The following DGKD variants were observed in gnomAD, a reference collection of about 807,000 sequenced individuals.
DGKD encodes DAG kinase delta.
Under a neutral mutation model 154.4 loss-of-function variants are expected in DGKD, and 68 were observed. That is an observed-to-expected ratio of 0.44 (90% CI 0.36 to 0.54). DGKD has a LOEUF of 0.54. Among genes scored for constraint, DGKD ranks in the 20% least tolerant of loss-of-function variants. The probability of loss-of-function intolerance (pLI) is 0.00; values close to 1 mark genes in which losing one functional copy is unlikely to be tolerated. For missense variants in DGKD, 1,343 were observed against 1,593.6 expected, an observed-to-expected ratio of 0.84 and a Z score of 2.68; for synonymous variants, 693 against 638.0, an observed-to-expected ratio of 1.09 and a Z score of -1.30.
intron 1 of DGKD, among the ~76,000 whole-genome samples, chr2:233,384,378 C>T (rs903430414): frequency 6.6e-6 from 1 of 152,078 alleles, no homozygotes; most frequent in Admixed American, 6.5e-5. Context: ...TATTGGTGTC[C>T]CTGGGTTCCC....
At chr2:233,436,949 C>T (rs1254951409) in intron 7 of DGKD, among the ~76,000 whole-genome samples, 2 of 152,200 alleles carry the variant, frequency 1.3e-5, no homozygotes, top group African/African-American at 4.8e-5. Flanking sequence ...GTACTTGCTT[C>T]TGGGTTGGTC....
Position 233,436,526 on chromosome 2 carries a change from G to A in DGKD, c.819+85G>A, listed in dbSNP as rs2062702324. On this transcript the variant is annotated intron_variant, in intron 7 of 29. Coordinates refer to ENST00000264057, the MANE Select transcript of DGKD (RefSeq NM_152879.3). ...CGGGCCTTGCGGCTCCGCATGATCT[G>A]CTGGATCCTGGTAAATTAATCCCAG... 8.6e-6 allele frequency: 13 copies of A among 1,504,874 alleles called. No individual in the cohort carries two copies. In the South Asian group the frequency reaches 1.7e-4, roughly 19 times the overall value. The allele number at this position is 1,504,874 out of a possible 1,614,324, so 93.2% of individuals were successfully genotyped here. A position where few individuals can be genotyped will look rare whatever the true frequency, so the allele number is the denominator to read the frequency against.
At chr2:233,467,886 G>A (rs2063875136) in intron 28 of DGKD, among the ~76,000 whole-genome samples, 1 of 152,126 alleles carries the variant, frequency 6.6e-6, no homozygotes, top group African/African-American at 2.4e-5. Context: ...TGGTGGCTCT[G>A]ACTATGTGAA....
chr2:233,461,604 C>T (rs1366616848), intron 24 of DGKD, among the ~76,000 whole-genome samples: 4 of 152,258 alleles, frequency 2.6e-5, no homozygotes, highest in East Asian at 1.9e-4. Flanking sequence ...AATTCCTTGC[C>T]GTGCAGTGGG....
Position 233,436,439 on chromosome 2 carries a change from A to G in DGKD, c.817A>G (p.Met273Val), listed in dbSNP as rs1575116057. 2 of 1,612,484 alleles carry G rather than the reference A, an allele frequency of 1.2e-6. No homozygotes were observed. The highest frequency in any genetic ancestry group is 1.7e-6 in the Non-Finnish European group (2 of 1,179,858). The stretch of plus-strand genomic sequence containing the variant: ...CTGGCGCTGCCTCTGGTGCAAGGCC[A>G]TGGTGAGTGTGGGCCCTGCGCCCGG... ...QDWRCLWCKA[M>V]VHTSCKESLL... The change falls in exon 7 of 30, where the codon ATG becomes GTG. Residue 273 changes from methionine (M) to valine (V), a missense_variant and splice_region_variant. Physicochemically the swap from Met to Val is conservative, Grantham distance 21. This residue lies in a region of DGKD where 332 missense variants were observed against 400.1 expected (regional missense o/e 0.83). Transcript: ENST00000264057.
intron 11 of DGKD, 58 bp from the exon 12 acceptor site, chr2:233,446,654 G>A: frequency 6.4e-7 from 1 of 1,574,020 alleles, no homozygotes; most frequent in Non-Finnish European, 8.7e-7. Flanking sequence ...ACGGCGCAGG[G>A]TTCACCCTTG....
At chr2:233,456,527 TCTC>T (rs925560999) in intron 19 of DGKD, among the ~76,000 whole-genome samples, 2 of 152,274 alleles carry the variant, frequency 1.3e-5, no homozygotes, top group Admixed American at 1.3e-4. Context: ...AGGAGTGTCT[TCTC>T]CTTGGTGCTT....
intron 3 of DGKD, among the ~76,000 whole-genome samples, chr2:233,421,249 G>T (rs897739341): frequency 6.6e-6 from 1 of 152,016 alleles, no homozygotes; most frequent in African/African-American, 2.4e-5. Flanking sequence ...CCCTTCCTGG[G>T]ATGGGAGCAG....
Position 233,354,566 on chromosome 2 carries a change from TCCG to T in DGKD, c.60_62del (p.Pro21del), listed in dbSNP as rs759588538. The T allele has an allele frequency of 1.2e-4, 132 of 1,061,904 alleles. No homozygotes were observed. The highest frequency in any genetic ancestry group is 9.4e-4 in the South Asian group (38 of 40,378). The allele number at this position is 1,061,904 out of a possible 1,614,324, so 65.8% of individuals were successfully genotyped here. ...CTCCGCCGGGTCCCCCGCAACCGCC[TCCG>T]CCGCCGCCGCCCGAGGAGTCGTCCG... On this transcript the variant is annotated inframe_deletion, in exon 1 of 30. Coordinates refer to ENST00000264057, the MANE Select transcript of DGKD (RefSeq NM_152879.3). The surrounding 1 kb of genome is among the most constrained non-coding windows in gnomAD (Gnocchi z 4.8).
chr2:233,355,560 G>A (rs1385599419), intron 1 of DGKD, among the ~76,000 whole-genome samples: 1 of 152,204 alleles, frequency 6.6e-6, no homozygotes, highest in African/African-American at 2.4e-5. Flanking sequence ...CTCCGGGGCG[G>A]ATTAGGTTCA....
In DGKD at chr2:233,370,572, T is replaced by TC. The variant is rs1414979935; in HGVS notation, c.156+15898_156+15899insC. On this transcript the variant is annotated intron_variant, in intron 1 of 29. Coordinates refer to ENST00000264057, the MANE Select transcript of DGKD (RefSeq NM_152879.3). ...CGTTGTACGTTTCAGAACTTCTTCT[T>TC]TTTTTTTTTTTTTTTTTGTTTGAGT... 2.3e-4 allele frequency among the ~76,000 whole-genome samples: 32 copies of TC among 136,242 alleles called. No homozygotes were observed. In the Middle Eastern group the frequency reaches 0.019, roughly 79 times the overall value. The allele number at this position is 136,242 out of a possible 152,430, so 89.4% of individuals were successfully genotyped here.
At chr2:233,436,287 C>A in intron 6 of DGKD, 29 bp from the exon 7 acceptor site, 2 of 1,613,782 alleles carry the variant, frequency 1.2e-6, no homozygotes, top group South Asian at 2.2e-5. Context: ...TTGGGAGCGT[C>A]CCTAGTGCGT....
chr2:233,447,805 G>A, intron 12 of DGKD: 1 of 1,219,356 alleles, frequency 8.2e-7, no homozygotes, highest in Non-Finnish European at 1.0e-6. Flanking sequence ...CAGGACGGAA[G>A]CTCCTAGCAC....
At chr2:233,433,695 C>T (rs2062602946) in intron 3 of DGKD, among the ~76,000 whole-genome samples, 1 of 152,120 alleles carries the variant, frequency 6.6e-6, no homozygotes, top group South Asian at 2.1e-4. Context: ...CCCATAAATA[C>T]ATATACCTAC....
At position 233,388,340 on chromosome 2, in the gene DGKD, A is replaced by G. The variant is rs765660409; in HGVS notation, c.240A>G (p.Arg80=). 2 of 1,614,042 alleles carry G rather than the reference A, an allele frequency of 1.2e-6. No homozygotes were observed. Among genetic ancestry groups the G allele is most frequent in the Non-Finnish European group, 1.7e-6 (2 of 1,179,960 alleles). Reference sequence around the variant, plus strand: ...GGAGATACTTTAAGCTTCGAGGGCGAACGCTTTACTATGCCAAAACGGCAA... The same window carrying G: ...GGAGATACTTTAAGCTTCGAGGGCGGACGCTTTACTATGCCAAAACGGCAA... ...SKRRYFKLRG[R]TLYYAKTAKS... Residue 80 remains arginine (R), a synonymous_variant, in exon 2 of 30, where the codon CGA becomes CGG. Transcript: ENST00000264057.
chr2:233,381,280 C>T (rs1320503280), intron 1 of DGKD, among the ~76,000 whole-genome samples: 1 of 152,188 alleles, frequency 6.6e-6, no homozygotes, highest in Non-Finnish European at 1.5e-5. Flanking sequence ...TATAGGTAGA[C>T]AGGTGGTGGG....
chr2:233,425,664 C>T (rs181658735), intron 3 of DGKD, among the ~76,000 whole-genome samples: 38 of 152,290 alleles, frequency 2.5e-4, no homozygotes, highest in South Asian at 8.3e-4. Context: ...TGGCTTTTAT[C>T]TATTAACAGT....
At chr2:233,374,667 C>T (rs1702478951) in intron 1 of DGKD, among the ~76,000 whole-genome samples, 1 of 151,308 alleles carries the variant, frequency 6.6e-6, no homozygotes, top group African/African-American at 2.4e-5. Flanking sequence ...TTTAGAGGCA[C>T]GGTCTTGTTC....
At chr2:233,377,728 A>C (rs1191371589) in intron 1 of DGKD, among the ~76,000 whole-genome samples, 1 of 152,056 alleles carries the variant, frequency 6.6e-6, no homozygotes. Context: ...GTTTGTCTTC[A>C]GGGCCATCCC....
Sources: gnomAD v4.1 joint callset for allele counts (sites outside exome capture counted in the v4.1 genomes callset) on GRCh38, gnomAD v4.1.1 for gene constraint, gnomAD v4.1.1 regional missense constraint, Gnocchi (gnomAD v3.1) non-coding constraint, MANE v1.5 for transcripts, NCBI Gene and HGNC (gene_info 2026-07-23, HGNC 2026-07-21) for gene names.